The following FAM149B1 variants were observed in gnomAD, a reference collection of about 807,000 sequenced individuals.
The protein encoded by FAM149B1 is family with sequence similarity 149 member B1, also known as primary cilium assembly protein FAM149B1.
A neutral mutation model predicts 75.3 loss-of-function variants in FAM149B1; 56 were observed. That is an observed-to-expected ratio of 0.74 (90% CI 0.60 to 0.93). The LOEUF (loss-of-function observed/expected upper bound fraction) is 0.93. FAM149B1 is among the 40% of genes least tolerant of loss of function. FAM149B1 has a pLI of 0.00. For synonymous variants in FAM149B1, 259 were observed against 256.1 expected (o/e 1.01, Z -0.11); for missense variants, 639 against 708.4 (o/e 0.90, Z 1.11).
intron 7 of FAM149B1, among the ~76,000 whole-genome samples, chr10:73,221,943 A>G (rs1408054317): frequency 1.3e-5 from 2 of 151,936 alleles, no homozygotes; most frequent in African/African-American, 4.8e-5. Context: ...TTCATGTGAG[A>G]TATTGTCATT....
chr10:73,235,197 C>T lies in FAM149B1; in HGVS notation c.1481C>T (p.Pro494Leu), dbSNP rs1482450732. ...STVGPQRQMK[P>L]HGDSSRAQSA... Reference sequence around the variant, plus strand: ...TAACTTTTGTCTCCTCTGCAGAAACCCCATGGCGACTCTAGTCGAGCTCAA... The same window carrying T: ...TAACTTTTGTCTCCTCTGCAGAAACTCCATGGCGACTCTAGTCGAGCTCAA... The change falls in exon 12 of 14, where the codon CCC (proline) becomes CTC (leucine). Residue 494 changes from proline to leucine, a missense_variant. Coordinates refer to ENST00000242505, the MANE Select transcript of FAM149B1 (RefSeq NM_173348.2). 1 of 1,551,560 alleles carries T rather than the reference C, an allele frequency of 6.4e-7. No homozygotes were observed. The highest frequency in any genetic ancestry group is 2.0e-5 in the Admixed American group (1 of 50,984).
chr10:73,209,389 A>C (rs1272528533), intron 6 of FAM149B1, among the ~76,000 whole-genome samples: 2 of 152,166 alleles, frequency 1.3e-5, no homozygotes, highest in African/African-American at 2.4e-5. Flanking sequence ...CGGAGGTTGC[A>C]GTGAGCCGAG....
At chr10:73,212,405 C>T (rs1564702670) in intron 7 of FAM149B1, among the ~76,000 whole-genome samples, 2 of 152,006 alleles carry the variant, frequency 1.3e-5, no homozygotes, top group Non-Finnish European at 2.9e-5. Context: ...TTCAGCCTCC[C>T]GAGTAGCTGG....
At chr10:73,186,164 G>A (rs751888603) in intron 3 of FAM149B1, among the ~76,000 whole-genome samples, 1 of 151,790 alleles carries the variant, frequency 6.6e-6, no homozygotes, top group African/African-American at 2.4e-5. Flanking sequence ...CTGGGTAGAC[G>A]GATGGTGAAA....
chr10:73,219,418 A>C (rs2043360737), intron 7 of FAM149B1, among the ~76,000 whole-genome samples: 1 of 152,192 alleles, frequency 6.6e-6, no homozygotes. Context: ...CCTGAAGTTC[A>C]CATGGAAATG....
chr10:73,221,419 A>C (rs2043411849), intron 7 of FAM149B1, among the ~76,000 whole-genome samples: 1 of 152,132 alleles, frequency 6.6e-6, no homozygotes, highest in African/African-American at 2.4e-5. Flanking sequence ...TTGCAAGATA[A>C]TTTTATGAAC....
chr10:73,212,865 T>TTCTCTCTC (rs57783137), intron 7 of FAM149B1, among the ~76,000 whole-genome samples: 3 of 150,906 alleles, frequency 2.0e-5, no homozygotes, highest in African/African-American at 4.9e-5. Context: ...CTCTCTGTGT[T>TTCTCTCTC]TCTCTCTCTC....
intron 2 of FAM149B1, among the ~76,000 whole-genome samples, chr10:73,177,070 G>T (rs1315744840): frequency 6.6e-6 from 1 of 151,938 alleles, no homozygotes. Flanking sequence ...CAGTCATGGT[G>T]GCACACACCT....
In FAM149B1 at chr10:73,193,609, T is replaced by C; in HGVS notation, c.542+16T>C. On this transcript the variant is annotated intron_variant, in intron 5 of 13. Coordinates refer to ENST00000242505, the MANE Select transcript of FAM149B1 (RefSeq NM_173348.2). ...ATTCTACTATGTGAGTATTCCATTATGTAAGTACTTCAATGTGCCCTAATA... is the reference window on the plus strand; with the variant it reads ...ATTCTACTATGTGAGTATTCCATTACGTAAGTACTTCAATGTGCCCTAATA... The C allele has an allele frequency of 6.5e-7, 1 of 1,548,774 alleles. No individual in the cohort carries two copies. The highest frequency in any genetic ancestry group is 8.7e-7 in the Non-Finnish European group (1 of 1,145,848).
At position 73,211,757 on chromosome 10, in the gene FAM149B1, C is replaced by T. The variant is rs186371950; in HGVS notation, c.898+1319C>T. Among the ~76,000 whole-genome samples, 289 of 152,198 alleles carry T rather than the reference C, an allele frequency of 1.9e-3. 3 individuals carry two copies. The highest frequency in any genetic ancestry group is 6.6e-3 in the African/African-American group (272 of 41,526). ...AGCATAATAGATATATAATAAACTG[C>T]ACTATTTTTTCTTTTCATTTTATTT... On this transcript the variant is annotated intron_variant, in intron 7 of 13. Coordinates refer to ENST00000242505, the MANE Select transcript of FAM149B1 (RefSeq NM_173348.2).
In FAM149B1 at chr10:73,233,016, T is replaced by C; in HGVS notation, c.1205T>C (p.Val402Ala). The change falls in exon 10 of 14, where the codon GTG becomes GCG. Residue 402 changes from valine (V) to alanine (A), a missense_variant. Coordinates refer to ENST00000242505, the MANE Select transcript of FAM149B1 (RefSeq NM_173348.2). ...ACTCGAAATTGGCCAAATCGAGCTG[T>C]GGAGTTTAGTACATCATCTCTGTCA... is the stretch of plus-strand genomic sequence containing the variant. ...LSTRNWPNRA[V>A]EFSTSSLSYT... is the part of the protein sequence containing the mutation. 6.4e-7 allele frequency: 1 copy of C among 1,551,874 alleles called. No homozygotes were observed. Among genetic ancestry groups the C allele is most frequent in the Admixed American group, 2.0e-5 (1 of 51,008 alleles).
chr10:73,239,282 A>AT (rs2043890958), intron 12 of FAM149B1, 30 bp from the exon 13 acceptor site: 3 of 1,531,486 alleles, frequency 2.0e-6, no homozygotes, highest in Non-Finnish European at 2.7e-6. Context: ...AAGATGCATC[A>AT]TAAGAAGTGT....
At chr10:73,200,988 C>T (rs1383166845) in intron 5 of FAM149B1, 2 of 358,472 alleles carry the variant, frequency 5.6e-6, no homozygotes, top group Non-Finnish European at 1.1e-5. Flanking sequence ...CTGTTCTGAT[C>T]ACTATTTACT....
chr10:73,193,392 C>T, intron 4 of FAM149B1, 85 bp from the exon 5 acceptor site: 1 of 1,355,716 alleles, frequency 7.4e-7, no homozygotes. Flanking sequence ...TATGTTGAGC[C>T]ATCAAATGTG....
intron 1 of FAM149B1, among the ~76,000 whole-genome samples, chr10:73,169,625 T>TA (rs201063904): frequency 5.3e-5 from 8 of 151,708 alleles, no homozygotes; most frequent in Admixed American, 6.6e-5. Context: ...ACTGGCTAAT[T>TA]AAAAAAAAAT....
chr10:73,234,867 G>A lies in FAM149B1; in HGVS notation c.1403G>A (p.Arg468Gln), dbSNP rs774701845. 1.3e-5 allele frequency: 20 copies of A among 1,551,618 alleles called. No homozygotes were observed. The highest frequency in any genetic ancestry group is 4.1e-5 in the African/African-American group (3 of 73,028). ...LSSPSPTPLSRNNLLPPIGTA... is the reference protein window; with the variant it reads ...LSSPSPTPLSQNNLLPPIGTA... ...TCTCCCTCACCGACGCCCCTGAGTCGAAATAATCTGCTACCACCTATTGGC... is the reference window on the plus strand; with the variant it reads ...TCTCCCTCACCGACGCCCCTGAGTCAAAATAATCTGCTACCACCTATTGGC... Residue 468 changes from arginine to glutamine, a missense_variant, in exon 11 of 14, where the codon CGA becomes CAA. Transcript: ENST00000242505.
At chr10:73,172,137 T>C (rs1310245993) in intron 1 of FAM149B1, among the ~76,000 whole-genome samples, 2 of 152,236 alleles carry the variant, frequency 1.3e-5, no homozygotes, top group African/African-American at 4.8e-5. Flanking sequence ...GACTAAAAAA[T>C]GTCTTAAGTC....
intron 5 of FAM149B1, among the ~76,000 whole-genome samples, chr10:73,201,784 G>T (rs751287989): frequency 6.6e-6 from 1 of 152,006 alleles, no homozygotes; most frequent in African/African-American, 2.4e-5. Context: ...CCTAAATAGG[G>T]TTAAATTCCC....
chr10:73,202,446 T>C (rs1404496316), intron 5 of FAM149B1, among the ~76,000 whole-genome samples: 1 of 149,078 alleles, frequency 6.7e-6, no homozygotes, highest in Non-Finnish European at 1.5e-5. Flanking sequence ...ACATTCCATA[T>C]GTTTGATAGC....
Sources: allele counts gnomAD v4.1 joint callset (sites outside exome capture counted in the v4.1 genomes callset), GRCh38; gene constraint gnomAD v4.1.1; transcripts MANE v1.5; gene names NCBI Gene and HGNC (gene_info 2026-07-23, HGNC 2026-07-21).